Variants in ABLIM1 observed in about 807,000 individuals in gnomAD.
The protein encoded by ABLIM1 is actin binding LIM protein 1.
ABLIM1 carries 40 observed loss-of-function variants against 107.0 expected under a neutral mutation model. The ratio of observed to expected loss-of-function variants is 0.37; its 90% CI spans 0.29 to 0.49. ABLIM1 has a LOEUF of 0.49. ABLIM1 is among the 20% of genes least tolerant of loss of function. ABLIM1 has a pLI of 0.97. For missense variants in ABLIM1, 857 were observed against 1,008.5 expected, an observed-to-expected ratio of 0.85 and a Z score of 2.04; for synonymous variants, 357 against 357.3, an observed-to-expected ratio of 1.00 and a Z score of 0.01.
chr10:114,490,785 T>C (rs1023479590), intron 7 of ABLIM1, among the ~76,000 whole-genome samples: 1 of 151,140 alleles, frequency 6.6e-6, no homozygotes, highest in Non-Finnish European at 1.5e-5. Context: ...CATATATATA[T>C]GGTCCTTTAT....
At chr10:114,685,276 G>A (rs1200560562), upstream of ABLIM1, among the ~76,000 whole-genome samples, 1 of 152,090 alleles carries the variant, frequency 6.6e-6, no homozygotes, top group Non-Finnish European at 1.5e-5. Flanking sequence ...TACACACATT[G>A]GCTAAGAAAT....
At chr10:114,724,675 G>A (rs1227171711) in intron 1 of ABLIM1, among the ~76,000 whole-genome samples, 1 of 152,204 alleles carries the variant, frequency 6.6e-6, no homozygotes, top group East Asian at 1.9e-4. Context: ...GGCCAGGAGA[G>A]CTCTGAGAAG....
At chr10:114,737,258 A>C (rs187914685) in intron 1 of ABLIM1, among the ~76,000 whole-genome samples, 5 of 152,316 alleles carry the variant, frequency 3.3e-5, no homozygotes, top group Middle Eastern at 3.4e-3. Flanking sequence ...CAGGAGGCAG[A>C]GATTGCAGTG....
chr10:114,456,919 T>G lies in ABLIM1; in HGVS notation c.1442-3436A>C, dbSNP rs1485305092. Among the ~76,000 whole-genome samples, 3 of 123,464 alleles carry G rather than the reference T, an allele frequency of 2.4e-5. No homozygotes were observed. In the East Asian group the frequency reaches 7.0e-4, roughly 29 times the overall value. 81.0% of individuals were successfully genotyped at this position (123,464 alleles called of 152,430 possible). A position where few individuals can be genotyped will look rare whatever the true frequency, so the allele number is the denominator to read the frequency against. On this transcript the variant is annotated intron_variant, in intron 12 of 22. Transcript: ENST00000533213. ...TGTCTTCAGCAAACATTCACCTCTC[T>G]AGTTGTTTTTTTTTTAAAAAAAAAA...
rs914040932 is a variant in ABLIM1, at chr10:114,644,647, C to G, written c.244+13310G>C. ...GCAGACACTGGATCAGAGAGAGGCC[C>G]ATACATCAGCTGGCCAACAGCTTTT... On this transcript the variant is annotated intron_variant, in intron 1 of 22. Coordinates refer to ENST00000533213, the MANE Select transcript of ABLIM1 (RefSeq NM_002313.7). Among the ~76,000 whole-genome samples, 9 of 152,182 alleles carry G rather than the reference C, an allele frequency of 5.9e-5. No homozygotes were observed. The East Asian group carries it at 1.4e-3, about 23-fold the overall frequency.
At chr10:114,574,503 G>A (rs148012564) in intron 3 of ABLIM1, among the ~76,000 whole-genome samples, 2 of 151,744 alleles carry the variant, frequency 1.3e-5, no homozygotes, top group East Asian at 1.9e-4. Context: ...GCAGTGGCAC[G>A]ATCTCGGCTC....
chr10:114,683,500 C>T (rs2080835524), intron 1 of ABLIM1, among the ~76,000 whole-genome samples: 1 of 152,106 alleles, frequency 6.6e-6, no homozygotes, highest in Non-Finnish European at 1.5e-5. Flanking sequence ...GACCCGGCTC[C>T]CCAGTCCTAC....
intron 1 of ABLIM1, among the ~76,000 whole-genome samples, chr10:114,631,411 G>A (rs2078166748): frequency 6.6e-6 from 1 of 152,238 alleles, no homozygotes; most frequent in East Asian, 1.9e-4. Flanking sequence ...GGTTATACAC[G>A]CAGAGCACCT....
intron 1 of ABLIM1, among the ~76,000 whole-genome samples, chr10:114,756,229 TA>T (rs2082627458): frequency 6.6e-6 from 1 of 152,190 alleles, no homozygotes; most frequent in Non-Finnish European, 1.5e-5. Flanking sequence ...TTACTATAAA[TA>T]AATCCTATGC....
chr10:114,593,682 G>T (rs1196361914), intron 2 of ABLIM1, among the ~76,000 whole-genome samples: 2 of 152,162 alleles, frequency 1.3e-5, no homozygotes, highest in East Asian at 3.8e-4. Context: ...TTCCAGGGCT[G>T]TTTGTTGTGC....
intron 8 of ABLIM1, among the ~76,000 whole-genome samples, chr10:114,475,067 G>T (rs986067892): frequency 6.6e-6 from 1 of 152,106 alleles, no homozygotes; most frequent in African/African-American, 2.4e-5. Flanking sequence ...ATGTCTACTA[G>T]CGGCATGAGA....
intron 1 of ABLIM1, among the ~76,000 whole-genome samples, chr10:114,752,712 TA>T (rs1212155593): frequency 7.9e-5 from 12 of 152,204 alleles, no homozygotes; most frequent in African/African-American, 2.9e-4. Flanking sequence ...GTTCCTGAGT[TA>T]GTTTGCTGAG....
chr10:114,599,691 C>T (rs772872647), intron 2 of ABLIM1, among the ~76,000 whole-genome samples: 1 of 151,624 alleles, frequency 6.6e-6, no homozygotes, highest in Non-Finnish European at 1.5e-5. Context: ...GGAGGCCAAG[C>T]CAGGAGAATT....
At chr10:114,664,787 G>A (rs1055317380) in intron 1 of ABLIM1, among the ~76,000 whole-genome samples, 3 of 150,522 alleles carry the variant, frequency 2.0e-5, no homozygotes, top group Admixed American at 1.3e-4. Flanking sequence ...CAGGTGATCC[G>A]CTCGCCTCAG....
At chr10:114,639,783 C>T (rs761605577) in intron 1 of ABLIM1, among the ~76,000 whole-genome samples, 7 of 152,162 alleles carry the variant, frequency 4.6e-5, no homozygotes, top group Non-Finnish European at 8.8e-5. Flanking sequence ...GATGGGAGAG[C>T]GGAGCACACA....
intron 1 of ABLIM1, among the ~76,000 whole-genome samples, chr10:114,637,160 C>G (rs1337879153): frequency 6.6e-6 from 1 of 151,844 alleles, no homozygotes; most frequent in African/African-American, 2.4e-5. Context: ...CTCAGATTCT[C>G]TGGGAAGGAG....
chr10:114,733,857 T>A lies in ABLIM1; in HGVS notation c.-213+34204A>T, dbSNP rs148879600. On this transcript the variant is annotated intron_variant, in intron 1 of 15. Transcript: ENST00000651092. ...AGAACCTTGCAACTTTATTTTTTTT[T>A]AATTATTATTATTTTTTGAGATGAA... Among the ~76,000 whole-genome samples the A allele has an allele frequency of 7.9e-3, 1,202 of 152,184 alleles. 10 individuals carry two copies. The highest frequency in any genetic ancestry group is 0.028 in the African/African-American group (1,162 of 41,510).
At chr10:114,775,813 C>CA in the ABLIM1 span, 1 of 152,010 alleles carries the variant, frequency 6.6e-6, no homozygotes, top group Non-Finnish European at 1.5e-5. Flanking sequence ...CTATTTTACC[C>CA]AAAAAAATCA....
chr10:114,472,294 T>C (rs1398523727), intron 10 of ABLIM1, among the ~76,000 whole-genome samples: 1 of 152,198 alleles, frequency 6.6e-6, no homozygotes, highest in Non-Finnish European at 1.5e-5. Flanking sequence ...CTCAACTATG[T>C]TGTCCAGGGT....
Sources: allele counts gnomAD v4.1 joint callset (sites outside exome capture counted in the v4.1 genomes callset), GRCh38; gene constraint gnomAD v4.1.1; transcripts MANE v1.5; gene names NCBI Gene and HGNC (gene_info 2026-07-23, HGNC 2026-07-21).